The following ALOX5 variants were observed in gnomAD, a reference collection of about 807,000 sequenced individuals.
ALOX5 encodes polyunsaturated fatty acid 5-lipoxygenase.
A neutral mutation model predicts 87.9 loss-of-function variants in ALOX5; 64 were observed. The observed-to-expected ratio is 0.73, with a 90% CI of 0.60 to 0.90. ALOX5 has a LOEUF of 0.90. Ranked by LOEUF, ALOX5 falls within the 40% of genes least tolerant of loss-of-function variation. The probability of loss-of-function intolerance (pLI) is 0.00; values close to 1 mark genes in which losing one functional copy is unlikely to be tolerated. For missense variants in ALOX5, 822 were observed against 907.5 expected (o/e 0.91, Z 1.21); for synonymous variants, 388 against 355.1 (o/e 1.09, Z -1.04).
At chr10:45,438,394 T>C (rs34971823) in intron 7 of ALOX5, among the ~76,000 whole-genome samples, 2,087 of 152,310 alleles carry the variant, frequency 0.014, 20 homozygotes, top group Admixed American at 0.015. Flanking sequence ...GCAAGGAATA[T>C]CTGCCTTGCA....
rs192856637 is a variant in ALOX5 at position 45,392,730 on chromosome 10, A to G, written c.350-3125A>G. On this transcript the variant is annotated intron_variant, in intron 2 of 13. Coordinates refer to ENST00000374391, the MANE Select transcript of ALOX5 (RefSeq NM_000698.5). ...TAAAAAAAAAGAAAAAAAAAAGAAG[A>G]GAAGAATCAATTAGACGCAATAAAA... Among the ~76,000 whole-genome samples, 4 of 151,916 alleles carry G rather than the reference A, an allele frequency of 2.6e-5. No homozygotes were observed. The East Asian group carries it at 6.0e-4, about 23-fold the overall frequency.
At chr10:45,432,784 A>C (rs1458259341) in intron 7 of ALOX5, among the ~76,000 whole-genome samples, 3 of 152,258 alleles carry the variant, frequency 2.0e-5, no homozygotes, top group African/African-American at 7.2e-5. Flanking sequence ...AAGGAAACCA[A>C]GAAGTTATAA....
rs1842319211 is a variant in ALOX5 at position 45,443,542 on chromosome 10, G to A, written c.1573+5G>A. 6.2e-7 allele frequency: 1 copy of A among 1,610,448 alleles called. No homozygotes were observed. Among genetic ancestry groups the A allele is most frequent in the African/African-American group, 1.3e-5 (1 of 74,798 alleles). On this transcript the variant is annotated splice_donor_5th_base_variant and intron_variant, in intron 11 of 13. Transcript: ENST00000374391. ...TGCGGGGCCGCAAGTCCTCAGGTAG[G>A]GCCTCCGGGACGTCTCCGGACCCGG...
rs765617226 is a variant in ALOX5 at position 45,382,588 on chromosome 10, A to C, written c.256A>C (p.Ile86Leu). 2 of 1,614,194 alleles carry C rather than the reference A, an allele frequency of 1.2e-6. No homozygotes were observed. The highest frequency in any genetic ancestry group is 1.6e-4 in the Middle Eastern group (1 of 6,062). ...WLNDDWYLKY[I>L]TLKTPHGDYI... Reference sequence around the variant, plus strand: ...GAATGACGACTGGTACCTGAAGTACATCACGCTGAAGACGCCCCACGGGGA... The same window carrying C: ...GAATGACGACTGGTACCTGAAGTACCTCACGCTGAAGACGCCCCACGGGGA... The change falls in exon 2 of 14, where the codon ATC becomes CTC. Residue 86 changes from isoleucine (I) to leucine (L), a missense_variant. By Grantham distance (5) the Ile-to-Leu change is conservative. Coordinates refer to ENST00000374391, the MANE Select transcript of ALOX5 (RefSeq NM_000698.5).
At chr10:45,405,298 A>G (rs1349862762) in intron 3 of ALOX5, among the ~76,000 whole-genome samples, 1 of 152,230 alleles carries the variant, frequency 6.6e-6, no homozygotes, top group Non-Finnish European at 1.5e-5. Flanking sequence ...CCAGCTGTGT[A>G]TGAAAAGATA....
intron 4 of ALOX5, among the ~76,000 whole-genome samples, chr10:45,420,408 C>T (rs977766566): frequency 1.3e-5 from 2 of 152,132 alleles, no homozygotes; most frequent in Non-Finnish European, 2.9e-5. Flanking sequence ...GTCATGTTTC[C>T]CTCAAAAAAA....
chr10:45,442,827 T>G (rs550625892), intron 9 of ALOX5: 1 of 576,374 alleles, frequency 1.7e-6, no homozygotes, highest in Non-Finnish European at 3.0e-6. Context: ...TCCCTTGCAT[T>G]GGATTGGGCG....
At chr10:45,421,263 A>G (rs528784847) in intron 4 of ALOX5, among the ~76,000 whole-genome samples, 58 of 152,354 alleles carry the variant, frequency 3.8e-4, no homozygotes, top group Non-Finnish European at 7.5e-4. Context: ...GAGAACTACC[A>G]GACCCACCCT....
intron 2 of ALOX5, among the ~76,000 whole-genome samples, chr10:45,388,188 C>G (rs1262496530): frequency 1.3e-5 from 2 of 152,238 alleles, no homozygotes; most frequent in African/African-American, 4.8e-5. Context: ...TTGCTCATTG[C>G]CAGCAAGCTC....
chr10:45,419,112 G>A (rs551986802), intron 4 of ALOX5, among the ~76,000 whole-genome samples: 1 of 152,360 alleles, frequency 6.6e-6, no homozygotes, highest in South Asian at 2.1e-4. Flanking sequence ...CGCAGTGTAC[G>A]TAGAGGCGCT....
chr10:45,410,165 A>G (rs1841021436), intron 3 of ALOX5, among the ~76,000 whole-genome samples: 1 of 152,272 alleles, frequency 6.6e-6, no homozygotes, highest in Non-Finnish European at 1.5e-5. Context: ...CTGTCCAGGC[A>G]AAGAGAAAAT....
intron 3 of ALOX5, among the ~76,000 whole-genome samples, chr10:45,405,098 G>A (rs557916794): frequency 6.6e-6 from 1 of 152,286 alleles, no homozygotes; most frequent in African/African-American, 2.4e-5. Context: ...GTGTTTGTTT[G>A]TTTTGGGTAT....
At chr10:45,429,616 A>G (rs972545644) in intron 7 of ALOX5, among the ~76,000 whole-genome samples, 1 of 152,244 alleles carries the variant, frequency 6.6e-6, no homozygotes, top group African/African-American at 2.4e-5. Context: ...CCTTCTTTGA[A>G]GCAATAGGTG....
intron 3 of ALOX5, among the ~76,000 whole-genome samples, chr10:45,402,236 C>T (rs1420148631): frequency 3.3e-5 from 5 of 152,186 alleles, no homozygotes; most frequent in Non-Finnish European, 5.9e-5. Context: ...GTAGCTCCTT[C>T]TTCCCCTATG....
chr10:45,435,279 A>G (rs1244479467), intron 7 of ALOX5, among the ~76,000 whole-genome samples: 1 of 150,342 alleles, frequency 6.7e-6, no homozygotes, highest in Non-Finnish European at 1.5e-5. Context: ...TTTTTTTAAT[A>G]TATAAAATTT....
intron 7 of ALOX5, among the ~76,000 whole-genome samples, chr10:45,439,566 T>C (rs1842162215): frequency 6.6e-6 from 1 of 152,158 alleles, no homozygotes; most frequent in Non-Finnish European, 1.5e-5. Context: ...TGCTGGGCTC[T>C]CAATAAGGGG....
Position 45,424,924 on chromosome 10 carries a change from C to G in ALOX5, c.662-36C>G, listed in dbSNP as rs769496743. ...GCCATGGCCCTGGCTGCCCTCTACT[C>G]AGAGCTCAGGGTGGGCCTCGCTTTT... On this transcript the variant is annotated intron_variant, in intron 5 of 13. Coordinates refer to ENST00000374391, the MANE Select transcript of ALOX5 (RefSeq NM_000698.5). 6 of 1,611,474 alleles carry G rather than the reference C, an allele frequency of 3.7e-6. No homozygotes were observed. The South Asian group carries it at 6.6e-5, about 18-fold the overall frequency.
chr10:45,388,161 C>G (rs2132692252), intron 2 of ALOX5, among the ~76,000 whole-genome samples: 1 of 152,358 alleles, frequency 6.6e-6, no homozygotes, highest in African/African-American at 2.4e-5. Flanking sequence ...CTCGGAGGGT[C>G]CCATGCCCAC....
intron 2 of ALOX5, among the ~76,000 whole-genome samples, chr10:45,394,891 C>G (rs1224434905): frequency 6.6e-6 from 1 of 152,188 alleles, no homozygotes; most frequent in African/African-American, 2.4e-5. Context: ...AAATGCAAAT[C>G]AAAACCATAA....
Sources: gnomAD v4.1 joint callset for allele counts (sites outside exome capture counted in the v4.1 genomes callset) on GRCh38, gnomAD v4.1.1 for gene constraint, MANE v1.5 for transcripts, NCBI Gene and HGNC (gene_info 2026-07-23, HGNC 2026-07-21) for gene names.